The following TMEM132D variants were observed in gnomAD, a reference collection of about 807,000 sequenced individuals.
TMEM132D encodes the protein mature OL transmembrane protein.
In TMEM132D, 21 loss-of-function variants were observed where a neutral mutation model predicts 62.3. That is an observed-to-expected ratio of 0.34 (90% CI 0.24 to 0.49). The LOEUF is 0.49. TMEM132D is among the 20% of genes least tolerant of loss of function. The pLI is 0.99. For synonymous variants in TMEM132D, 621 were observed against 575.6 expected (o/e 1.08, Z -1.13); for missense variants, 1,346 against 1,402.8 (o/e 0.96, Z 0.65).
rs900648591 is a variant in TMEM132D, at chr12:129,654,185, G to A, written c.968+45625C>T. 2.6e-5 allele frequency among the ~76,000 whole-genome samples: 4 copies of A among 152,062 alleles called. No individual in the cohort carries two copies. The East Asian group carries it at 5.8e-4, about 22-fold the overall frequency. On this transcript the variant is annotated intron_variant, in intron 2 of 8. Coordinates refer to ENST00000422113, the MANE Select transcript of TMEM132D (RefSeq NM_133448.3). ...TATCAAGGATACATGCCGAGCTTTG[G>A]CCACTGGGAGCTCTTTCCCTTGGCT...
intron 2 of TMEM132D, among the ~76,000 whole-genome samples, chr12:129,682,495 G>A (rs1880802461): frequency 1.3e-5 from 2 of 152,118 alleles, no homozygotes; most frequent in Non-Finnish European, 2.9e-5. Flanking sequence ...CTTTTGTTTT[G>A]AAAATGCCAT....
chr12:129,328,061 G>T (rs2135648769), intron 4 of TMEM132D, among the ~76,000 whole-genome samples: 1 of 152,294 alleles, frequency 6.6e-6, no homozygotes, highest in South Asian at 2.1e-4. Flanking sequence ...TGGAAAGCCA[G>T]CTCCTTTCAC....
chr12:129,279,182 G>C (rs1264340098), intron 4 of TMEM132D, among the ~76,000 whole-genome samples: 4 of 152,224 alleles, frequency 2.6e-5, no homozygotes, highest in Non-Finnish European at 5.9e-5. Context: ...GCAGTCTGCA[G>C]TTTTCAATTT....
intron 2 of TMEM132D, among the ~76,000 whole-genome samples, chr12:129,582,721 C>T (rs567750711): frequency 1.3e-5 from 2 of 150,850 alleles, no homozygotes; most frequent in East Asian, 4.0e-4. Flanking sequence ...CGGGTTCAAG[C>T]GATTCTCCTG....
intron 2 of TMEM132D, among the ~76,000 whole-genome samples, chr12:129,577,181 T>A (rs1272929678): frequency 6.6e-6 from 1 of 151,730 alleles, no homozygotes; most frequent in East Asian, 1.9e-4. Flanking sequence ...GATATGCAAT[T>A]TACTGGAGAT....
chr12:129,226,939 A>T (rs1230881031), intron 4 of TMEM132D, among the ~76,000 whole-genome samples: 1 of 152,186 alleles, frequency 6.6e-6, no homozygotes, highest in Non-Finnish European at 1.5e-5. Flanking sequence ...AATCTCCTGT[A>T]TCACAAAAGC....
At chr12:129,887,471 T>A (rs2137391099) in intron 1 of TMEM132D, among the ~76,000 whole-genome samples, 1 of 152,264 alleles carries the variant, frequency 6.6e-6, no homozygotes, top group African/African-American at 2.4e-5. Context: ...TCAAAGTACA[T>A]AAAGAAACTG....
chr12:129,098,349 A>C (rs1032129312), intron 5 of TMEM132D, among the ~76,000 whole-genome samples: 1 of 152,238 alleles, frequency 6.6e-6, no homozygotes, highest in Non-Finnish European at 1.5e-5. Context: ...CTGGGCACCA[A>C]AATTCGTAAG....
At chr12:129,744,962 C>G (rs187502053) in intron 1 of TMEM132D, among the ~76,000 whole-genome samples, 10 of 152,264 alleles carry the variant, frequency 6.6e-5, no homozygotes, top group African/African-American at 1.9e-4. Context: ...CGGTTTCCCC[C>G]ATGCTGTTCT....
chr12:129,122,940 G>A (rs942944110), intron 5 of TMEM132D, among the ~76,000 whole-genome samples: 13 of 152,026 alleles, frequency 8.6e-5, no homozygotes, highest in Admixed American at 3.3e-4. Context: ...AAGATTGGTC[G>A]CCTTGCATAA....
chr12:129,567,920 A>G (rs1342970406), intron 2 of TMEM132D, among the ~76,000 whole-genome samples: 1 of 152,248 alleles, frequency 6.6e-6, no homozygotes, highest in Non-Finnish European at 1.5e-5. Flanking sequence ...GCCAATCAGC[A>G]TATCTCCCAT....
intron 4 of TMEM132D, among the ~76,000 whole-genome samples, chr12:129,230,311 G>A (rs1168515213): frequency 6.7e-6 from 1 of 149,530 alleles, no homozygotes; most frequent in Non-Finnish European, 1.5e-5. Flanking sequence ...TGTTGGAGGG[G>A]GGGGGCTCCC....
At chr12:129,785,914 T>C (rs1416855738) in intron 1 of TMEM132D, among the ~76,000 whole-genome samples, 2 of 152,196 alleles carry the variant, frequency 1.3e-5, no homozygotes, top group Non-Finnish European at 2.9e-5. Context: ...ATTTTATCAC[T>C]CGAAATAGCA....
intron 3 of TMEM132D, among the ~76,000 whole-genome samples, chr12:129,513,743 T>C (rs1395374588): frequency 2.2e-4 from 32 of 148,336 alleles, no homozygotes; most frequent in Admixed American, 1.3e-4. Flanking sequence ...TCTCAGCCTC[T>C]CAAAGTGCTG....
At chr12:129,224,867 ATTT>A (rs780809428) in intron 4 of TMEM132D, among the ~76,000 whole-genome samples, 13 of 152,072 alleles carry the variant, frequency 8.5e-5, no homozygotes, top group Non-Finnish European at 1.8e-4. Context: ...CATTTTATAT[ATTT>A]TTTAATTATC....
chr12:129,480,752 G>A (rs1010250781), intron 3 of TMEM132D, among the ~76,000 whole-genome samples: 8 of 152,144 alleles, frequency 5.3e-5, no homozygotes, highest in Admixed American at 1.3e-4. Flanking sequence ...GTAGAGAAAC[G>A]GTAGCTCTTC....
At chr12:129,093,395 C>T (rs983665918) in intron 5 of TMEM132D, among the ~76,000 whole-genome samples, 15 of 151,966 alleles carry the variant, frequency 9.9e-5, no homozygotes, top group African/African-American at 3.4e-4. Context: ...CAATAACAGA[C>T]AAACAGAGAG....
chr12:129,671,082 G>C (rs945075413), intron 2 of TMEM132D, among the ~76,000 whole-genome samples: 1 of 152,030 alleles, frequency 6.6e-6, no homozygotes, highest in Non-Finnish European at 1.5e-5. Context: ...CCTTTGGCAA[G>C]ACAGGAAAAA....
intron 3 of TMEM132D, among the ~76,000 whole-genome samples, chr12:129,396,161 C>T (rs183200869): frequency 6.6e-6 from 1 of 151,288 alleles, no homozygotes; most frequent in Admixed American, 6.6e-5. Flanking sequence ...GGAATATGTT[C>T]ACTATCATTA....
Sources: allele counts gnomAD v4.1 joint callset (sites outside exome capture counted in the v4.1 genomes callset), GRCh38; gene constraint gnomAD v4.1.1; transcripts MANE v1.5; gene names NCBI Gene and HGNC (gene_info 2026-07-23, HGNC 2026-07-21).